Variants in ELP1 observed in about 807,000 individuals in gnomAD.
ELP1 encodes elongator acetyltransferase complex subunit 1, also known as elongator complex protein 1.
In ELP1, 131 loss-of-function variants were observed where a neutral mutation model predicts 183.2. The ratio of observed to expected loss-of-function variants is 0.72; its 90% CI spans 0.62 to 0.83. The LOEUF (loss-of-function observed/expected upper bound fraction) is 0.83, where lower values mean the gene tolerates loss of function less well. Ranked by LOEUF, ELP1 falls within the 40% of genes least tolerant of loss-of-function variation. The pLI is 0.00. For synonymous variants in ELP1, 555 were observed against 569.0 expected (o/e 0.98, Z 0.35); for missense variants, 1,550 against 1,594.9 (o/e 0.97, Z 0.48).
Position 108,897,144 on chromosome 9 carries a change from A to G in ELP1, c.2501+4T>C, listed in dbSNP as rs1405951778. On this transcript the variant is annotated splice_donor_region_variant and intron_variant, in intron 23 of 36. Transcript: ENST00000374647. ...AGGATGCCACCTGGTGACAGCATAC[A>G]TACTTATGAGGATTTATGCTCTCCA... 9 of 1,614,224 alleles carry G rather than the reference A, an allele frequency of 5.6e-6. No individual in the cohort carries two copies. The highest frequency in any genetic ancestry group is 7.6e-6 in the Non-Finnish European group (9 of 1,180,044).
intron 3 of ELP1, 127 bp from the exon 4 acceptor site, chr9:108,927,580 C>T (rs1021158863): frequency 6.6e-6 from 5 of 755,728 alleles, no homozygotes; most frequent in Non-Finnish European, 1.2e-5. Context: ...GAGATATCTG[C>T]ACTCTCATGT....
chr9:108,929,605 G>A (rs1428060946), intron 3 of ELP1, among the ~76,000 whole-genome samples, 164 bp downstream of exon 3: 1 of 152,162 alleles, frequency 6.6e-6, no homozygotes. Flanking sequence ...TTAACATATA[G>A]ATAAAGCCAT....
chr9:108,869,333 C>T, intron 36 of ELP1, 151 bp from the exon 37 acceptor site: 2 of 738,200 alleles, frequency 2.7e-6, no homozygotes, highest in Non-Finnish European at 4.9e-6. Flanking sequence ...ACCCCTGCAA[C>T]CTCCAGGTCA....
At chr9:108,869,690 G>T (rs3763646) in intron 36 of ELP1, among the ~76,000 whole-genome samples, 7,948 of 152,204 alleles carry the variant, frequency 0.052, 323 homozygotes, top group South Asian at 0.13. Flanking sequence ...AAAGTGAATG[G>T]AGAGAGAGGG....
chr9:108,903,651 A>C lies in ELP1; in HGVS notation c.1662T>G (p.Asp554Glu). The change falls in exon 15 of 37, where the codon GAT becomes GAG. Residue 554 changes from aspartate (D) to glutamate (E), a missense_variant. Physicochemically the swap from Asp to Glu is conservative, Grantham distance 45 (BLOSUM62 2). Coordinates refer to ENST00000374647, the MANE Select transcript of ELP1 (RefSeq NM_003640.5). ...QLNVSSSAAV[D>E]GVIISLCCNS... ...TGCAACATAGACTGATTATGACCCC[A>C]TCCACCGCTGCAGATGAACTGACAA... is the stretch of plus-strand genomic sequence containing the variant. 1 of 1,613,772 alleles carries C rather than the reference A, an allele frequency of 6.2e-7. No homozygotes were observed. Among genetic ancestry groups the C allele is most frequent in the Non-Finnish European group, 8.5e-7 (1 of 1,179,748 alleles).
chr9:108,883,153 T>C (rs1373612495), intron 29 of ELP1, among the ~76,000 whole-genome samples: 1 of 152,208 alleles, frequency 6.6e-6, no homozygotes, highest in Admixed American at 6.5e-5. Flanking sequence ...TGTTTTCTTC[T>C]AAGAGTTTTA....
intron 28 of ELP1, among the ~76,000 whole-genome samples, chr9:108,889,908 C>T (rs1828258230): frequency 6.6e-6 from 1 of 152,184 alleles, no homozygotes; most frequent in Admixed American, 6.5e-5. Flanking sequence ...AAATCACCTC[C>T]ACTATTTAAA....
chr9:108,925,184 A>G (rs1564106272), intron 5 of ELP1, among the ~76,000 whole-genome samples: 1 of 152,182 alleles, frequency 6.6e-6, no homozygotes, highest in Non-Finnish European at 1.5e-5. Context: ...AAAATATGCC[A>G]TCACGAGCCA....
At position 108,897,010 on chromosome 9, in the gene ELP1, C is replaced by G; in HGVS notation, c.2530G>C (p.Val844Leu). 6.2e-7 allele frequency: 1 copy of G among 1,614,038 alleles called. No individual in the cohort carries two copies. The highest frequency in any genetic ancestry group is 8.5e-7 in the Non-Finnish European group (1 of 1,179,972). Residue 844 changes from valine to leucine, a missense_variant, in exon 24 of 37, where the codon GTA becomes CTA. Physicochemically the swap from Val to Leu is conservative, Grantham distance 32. Coordinates refer to ENST00000374647, the MANE Select transcript of ELP1 (RefSeq NM_003640.5). ...KYCLSILTSH[V>L]KKTTPELEIV... is the part of the protein sequence containing the mutation. The stretch of plus-strand genomic sequence containing the variant: ...TCCAGTTCTGGGGTTGTCTTCTTTA[C>G]ATGAGATGTAAGTATGGATAGGCAG...
At position 108,882,093 on chromosome 9, in the gene ELP1, C is replaced by G. The variant is rs1827950606; in HGVS notation, c.3285+32G>C. ...CCTTGCTTGCTCTCTCTGCTTAGCACCCAACATCCAGAGGATTTACAAGAT... is the reference window on the plus strand; with the variant it reads ...CCTTGCTTGCTCTCTCTGCTTAGCAGCCAACATCCAGAGGATTTACAAGAT... On this transcript the variant is annotated intron_variant, in intron 30 of 36. Transcript: ENST00000374647. 5 of 1,591,152 alleles carry G rather than the reference C, an allele frequency of 3.1e-6. No individual in the cohort carries two copies. In the South Asian group the frequency reaches 5.5e-5, roughly 18 times the overall value.
Position 108,899,828 on chromosome 9 carries a change from A to G in ELP1, c.2198T>C (p.Leu733Ser), listed in dbSNP as rs1472790743. The change falls in exon 20 of 37, where the codon TTG (leucine) becomes TCG (serine). Residue 733 changes from leucine (L) to serine (S), a missense_variant. Transcript: ENST00000374647. ...ALVLAQIRKW[L>S]DKLMFKEAFE... The stretch of plus-strand genomic sequence containing the variant: ...ACAGTACAATGGCACTTACTTGTCC[A>G]ACCACTTCCGAATCTGAGCTAAAAC... 1 of 1,613,822 alleles carries G rather than the reference A, an allele frequency of 6.2e-7. No homozygotes were observed.
chr9:108,898,477 CA>C lies in ELP1; in HGVS notation c.2363+24del, dbSNP rs756141865. 1.1e-5 allele frequency: 14 copies of C among 1,331,628 alleles called. No individual in the cohort carries two copies. The South Asian group carries it at 1.7e-4, about 16-fold the overall frequency. 82.5% of individuals were successfully genotyped at this position (1,331,628 alleles called of 1,614,324 possible). On this transcript the variant is annotated intron_variant, in intron 22 of 36. Coordinates refer to ENST00000374647, the MANE Select transcript of ELP1 (RefSeq NM_003640.5). Reference sequence around the variant, plus strand: ...AAGAGAGAAAACTATGGAAAAGATACACATGAATTATTCAAAATACTTACTT... The same window carrying C: ...AAGAGAGAAAACTATGGAAAAGATACCATGAATTATTCAAAATACTTACTT...
At chr9:108,895,282 G>A (rs1043848146) in intron 25 of ELP1, among the ~76,000 whole-genome samples, 3 of 152,130 alleles carry the variant, frequency 2.0e-5, no homozygotes, top group Admixed American at 1.3e-4. Context: ...GTAGTCTGCA[G>A]GGGTAGGCAC....
At chr9:108,912,850 G>A (rs1383394990) in intron 10 of ELP1, among the ~76,000 whole-genome samples, 1 of 150,568 alleles carries the variant, frequency 6.6e-6, no homozygotes, top group Non-Finnish European at 1.5e-5. Context: ...CATCTCCCGG[G>A]TTCATGCCAT....
intron 4 of ELP1, among the ~76,000 whole-genome samples, 195 bp downstream of exon 4, chr9:108,927,177 C>CA (rs974278323): frequency 9.4e-5 from 14 of 149,408 alleles, no homozygotes; most frequent in East Asian, 2.0e-4. Context: ...CTTCAGTCAC[C>CA]AAAAAAAAAT....
At chr9:108,872,821 A>AC (rs1827531528) in intron 36 of ELP1, among the ~76,000 whole-genome samples, 1 of 67,710 alleles carries the variant, frequency 1.5e-5, no homozygotes, top group Non-Finnish European at 4.9e-5. Flanking sequence ...AAAAAAAAAA[A>AC]AAAAAAAAAA....
chr9:108,928,383 G>T (rs73526125), intron 3 of ELP1, among the ~76,000 whole-genome samples: 2 of 152,098 alleles, frequency 1.3e-5, no homozygotes, highest in East Asian at 3.9e-4. Flanking sequence ...AGCAAAATGC[G>T]TCTCAGCACA....
rs1294250095 is a variant in ELP1 at position 108,911,796 on chromosome 9, C to G, written c.1189+468G>C. Among the ~76,000 whole-genome samples, 5 of 152,204 alleles carry G rather than the reference C, an allele frequency of 3.3e-5. No individual in the cohort carries two copies. The East Asian group carries it at 9.7e-4, about 29-fold the overall frequency. The stretch of plus-strand genomic sequence containing the variant: ...TTCTACCTCATTATAAAATATAAAC[C>G]TAATCTTCATATTAGGCAAACGTTT... On this transcript the variant is annotated intron_variant, in intron 11 of 36. Coordinates refer to ENST00000374647, the MANE Select transcript of ELP1 (RefSeq NM_003640.5).
intron 36 of ELP1, among the ~76,000 whole-genome samples, chr9:108,871,247 G>A (rs934053780): frequency 6.6e-6 from 1 of 151,952 alleles, no homozygotes; most frequent in African/African-American, 2.4e-5. Context: ...GAGCCTTAAA[G>A]GTCCTTATGA....
Sources: gnomAD v4.1 joint callset for allele counts (sites outside exome capture counted in the v4.1 genomes callset) on GRCh38, gnomAD v4.1.1 for gene constraint, MANE v1.5 for transcripts, NCBI Gene and HGNC (gene_info 2026-07-23, HGNC 2026-07-21) for gene names.